Variants in MPP7 observed in about 807,000 individuals in gnomAD.
The protein encoded by MPP7 is MAGUK p55 subfamily member 7.
MPP7 carries 60 observed loss-of-function variants against 76.5 expected under a neutral mutation model. That is an observed-to-expected ratio of 0.78 (90% CI 0.64 to 0.97). MPP7 has a LOEUF of 0.97. Ranked by LOEUF, MPP7 falls within the 50% of genes least tolerant of loss-of-function variation. MPP7 has a pLI of 0.00. For synonymous variants in MPP7, 237 were observed against 244.5 expected (o/e 0.97, Z 0.29); for missense variants, 641 against 694.0 (o/e 0.92, Z 0.86).
chr10:28,332,598 T>C (rs1564775143), intron 1 of MPP7, among the ~76,000 whole-genome samples: 1 of 152,166 alleles, frequency 6.6e-6, no homozygotes, highest in South Asian at 2.1e-4. Context: ...ACTTAAATTG[T>C]AGCACTTACT....
At chr10:28,157,012 C>G (rs1002774913) in intron 3 of MPP7, among the ~76,000 whole-genome samples, 1 of 152,030 alleles carries the variant, frequency 6.6e-6, no homozygotes, top group African/African-American at 2.4e-5. Context: ...GAGTTCGAGA[C>G]CAGCCTGGTC....
At chr10:28,267,213 C>G (rs11006971) in intron 1 of MPP7, among the ~76,000 whole-genome samples, 12,979 of 152,238 alleles carry the variant, frequency 0.085, 718 homozygotes, top group Non-Finnish European at 0.12. Flanking sequence ...ACCACTGGAC[C>G]TGCAAAGCTT....
intron 1 of MPP7, among the ~76,000 whole-genome samples, chr10:28,276,754 G>T (rs1840511259): frequency 6.6e-6 from 1 of 152,068 alleles, no homozygotes; most frequent in South Asian, 2.1e-4. Flanking sequence ...GTTTGGAAAA[G>T]TTTAAAGCTG....
At chr10:28,213,747 A>C (rs1838219992) in intron 2 of MPP7, among the ~76,000 whole-genome samples, 1 of 149,426 alleles carries the variant, frequency 6.7e-6, no homozygotes. Context: ...AGCCCAGATC[A>C]TGCCATTGCA....
intron 2 of MPP7, among the ~76,000 whole-genome samples, chr10:28,207,732 G>T (rs1285271828): frequency 6.6e-6 from 1 of 151,742 alleles, no homozygotes; most frequent in Non-Finnish European, 1.5e-5. Flanking sequence ...AAAAAGAAAA[G>T]GCTATACTGG....
intron 2 of MPP7, among the ~76,000 whole-genome samples, chr10:28,230,907 G>C (rs1348633880): frequency 1.3e-5 from 2 of 151,966 alleles, no homozygotes; most frequent in Non-Finnish European, 2.9e-5. Flanking sequence ...TACTTCTCTT[G>C]GTAACTGAAG....
At chr10:28,250,993 A>G (rs940946988) in intron 1 of MPP7, among the ~76,000 whole-genome samples, 1 of 152,242 alleles carries the variant, frequency 6.6e-6, no homozygotes, top group Admixed American at 6.5e-5. Flanking sequence ...AATTTTTAAA[A>G]GGAAAATGGA....
chr10:28,171,391 T>C (rs1836676602), intron 3 of MPP7, among the ~76,000 whole-genome samples: 1 of 152,222 alleles, frequency 6.6e-6, no homozygotes, highest in Non-Finnish European at 1.5e-5. Flanking sequence ...CTCAGAATTC[T>C]ATGCTGTGGG....
intron 2 of MPP7, among the ~76,000 whole-genome samples, chr10:28,317,425 C>T (rs894177178): frequency 1.3e-5 from 2 of 151,926 alleles, no homozygotes; most frequent in Non-Finnish European, 2.9e-5. Context: ...CAACTACTTG[C>T]GAGGCTGAGG....
chr10:28,062,099 G>A (rs371613116), intron 13 of MPP7, among the ~76,000 whole-genome samples: 33 of 152,010 alleles, frequency 2.2e-4, no homozygotes, highest in Admixed American at 1.4e-3. Flanking sequence ...AAATGTAAAC[G>A]TCTACTTTTT....
chr10:28,316,174 C>T (rs1032257837), intron 2 of MPP7, among the ~76,000 whole-genome samples: 5 of 152,048 alleles, frequency 3.3e-5, no homozygotes, highest in African/African-American at 9.7e-5. Flanking sequence ...TGGTGGCTCA[C>T]GCCTGTAATC....
chr10:28,265,513 C>T (rs910836105), intron 1 of MPP7, among the ~76,000 whole-genome samples: 1 of 152,120 alleles, frequency 6.6e-6, no homozygotes, highest in Non-Finnish European at 1.5e-5. Flanking sequence ...GAGCCAAGAT[C>T]ATGCCACTGC....
At chr10:28,100,698 C>T (rs1853782225) in intron 11 of MPP7, among the ~76,000 whole-genome samples, 1 of 152,092 alleles carries the variant, frequency 6.6e-6, no homozygotes, top group African/African-American at 2.4e-5. Flanking sequence ...GCCATAAACA[C>T]CCTTGAGTCT....
chr10:28,290,189 C>A (rs955189792), intron 1 of MPP7, among the ~76,000 whole-genome samples: 9 of 152,096 alleles, frequency 5.9e-5, no homozygotes, highest in African/African-American at 2.2e-4. Context: ...CTATTAGTTT[C>A]TCTTGGAGCA....
chr10:28,242,698 A>T (rs1307549216), intron 1 of MPP7, among the ~76,000 whole-genome samples: 2 of 152,240 alleles, frequency 1.3e-5, no homozygotes, highest in Non-Finnish European at 1.5e-5. Context: ...CAGCATTTGC[A>T]CCAATGGTGA....
intron 1 of MPP7, among the ~76,000 whole-genome samples, chr10:28,241,238 T>G (rs1839258536): frequency 6.6e-6 from 1 of 152,174 alleles, no homozygotes; most frequent in African/African-American, 2.4e-5. Flanking sequence ...GAGCTGATAT[T>G]GCTGCTGTTC....
intron 2 of MPP7, among the ~76,000 whole-genome samples, chr10:28,214,986 G>T (rs539499375): frequency 2.6e-5 from 4 of 152,130 alleles, no homozygotes; most frequent in South Asian, 4.2e-4. Context: ...GCACTCGATG[G>T]ATCAGCTGAC....
At chr10:28,301,690 C>T (rs1163049947) in intron 1 of MPP7, among the ~76,000 whole-genome samples, 2 of 152,138 alleles carry the variant, frequency 1.3e-5, no homozygotes, top group African/African-American at 4.8e-5. Flanking sequence ...AATGGACATG[C>T]TATGCACAGC....
At chr10:28,205,211 C>T (rs10826418) in intron 2 of MPP7, among the ~76,000 whole-genome samples, 26,636 of 152,036 alleles carry the variant, frequency 0.18, 2,965 homozygotes, top group East Asian at 0.56. Context: ...AGGCCAGAGC[C>T]GTGTGCAGTC....
Sources: allele counts gnomAD v4.1 joint callset (sites outside exome capture counted in the v4.1 genomes callset), GRCh38; gene constraint gnomAD v4.1.1; transcripts MANE v1.5; gene names NCBI Gene and HGNC (gene_info 2026-07-23, HGNC 2026-07-21).